The following ASTN2 variants were observed in gnomAD, a reference collection of about 807,000 sequenced individuals.
ASTN2 encodes astrotactin 2, also known as astrotactin-2.
In ASTN2, 54 loss-of-function variants were observed where a neutral mutation model predicts 139.8. The ratio of observed to expected loss-of-function variants is 0.39; its 90% CI spans 0.31 to 0.48. ASTN2 has a LOEUF of 0.48. ASTN2 is among the 20% of genes least tolerant of loss of function. The probability of loss-of-function intolerance (pLI) is 0.95; values close to 1 mark genes in which losing one functional copy is unlikely to be tolerated. For synonymous variants in ASTN2, 756 were observed against 719.5 expected (o/e 1.05, Z -0.81); for missense variants, 1,565 against 1,725.1 (o/e 0.91, Z 1.64).
At chr9:116,737,459 G>C (rs1828961273) in intron 13 of ASTN2, among the ~76,000 whole-genome samples, 1 of 102,912 alleles carries the variant, frequency 9.7e-6, no homozygotes, top group Non-Finnish European at 2.0e-5. Flanking sequence ...TCGTGTGTGT[G>C]TGTGTGAATG....
chr9:116,683,059 A>AT (rs952192070), intron 16 of ASTN2, among the ~76,000 whole-genome samples: 1 of 151,456 alleles, frequency 6.6e-6, no homozygotes, highest in East Asian at 1.9e-4. Context: ...TAAAAAATAA[A>AT]TTAAAAAAAA....
intron 20 of ASTN2, among the ~76,000 whole-genome samples, chr9:116,480,049 G>T (rs938003298): frequency 2.0e-5 from 3 of 151,064 alleles, no homozygotes; most frequent in Non-Finnish European, 4.4e-5. Flanking sequence ...GATTAAATAA[G>T]GTTTATAAGA....
intron 13 of ASTN2, among the ~76,000 whole-genome samples, chr9:116,804,856 G>A (rs1387118349): frequency 2.0e-5 from 3 of 151,782 alleles, no homozygotes; most frequent in African/African-American, 4.8e-5. Context: ...GTGTGTGTGT[G>A]AGTGTGTGTT....
intron 5 of ASTN2, among the ~76,000 whole-genome samples, chr9:117,095,813 A>G (rs1828826024): frequency 6.6e-6 from 1 of 152,154 alleles, no homozygotes; most frequent in African/African-American, 2.4e-5. Flanking sequence ...AAAACAATTC[A>G]CAGTATTTTT....
intron 11 of ASTN2, among the ~76,000 whole-genome samples, chr9:116,835,055 G>GA (rs1831942910): frequency 6.6e-6 from 1 of 151,982 alleles, no homozygotes; most frequent in African/African-American, 2.4e-5. Flanking sequence ...CAAAAAATAA[G>GA]AAAAAATTTC....
intron 5 of ASTN2, among the ~76,000 whole-genome samples, chr9:117,085,878 T>C (rs1468315995): frequency 1.3e-5 from 2 of 152,222 alleles, no homozygotes; most frequent in African/African-American, 4.8e-5. Context: ...ATCCTTATAA[T>C]GGCCTGACCA....
At chr9:116,527,758 ACC>A (rs1851156932) in intron 19 of ASTN2, among the ~76,000 whole-genome samples, 1 of 152,016 alleles carries the variant, frequency 6.6e-6, no homozygotes, top group Non-Finnish European at 1.5e-5. Flanking sequence ...ATGGGTGGTC[ACC>A]CCCATGCTGT....
intron 7 of ASTN2, among the ~76,000 whole-genome samples, chr9:117,004,204 C>T (rs567103149): frequency 2.0e-5 from 3 of 152,152 alleles, no homozygotes; most frequent in Admixed American, 6.5e-5. Context: ...ACTGTAGCCT[C>T]GACTTCCAGG....
At chr9:117,202,029 TG>T (rs1831739828) in intron 3 of ASTN2, among the ~76,000 whole-genome samples, 3 of 152,224 alleles carry the variant, frequency 2.0e-5, no homozygotes, top group South Asian at 4.1e-4. Flanking sequence ...GCTCCTGTAT[TG>T]GGTGCATATA....
intron 13 of ASTN2, among the ~76,000 whole-genome samples, chr9:116,737,190 G>A (rs188515136): frequency 6.6e-5 from 10 of 152,336 alleles, no homozygotes; most frequent in Admixed American, 6.5e-4. Flanking sequence ...GTCCCTTTGC[G>A]ACCGCCTGGG....
At chr9:117,248,363 G>T (rs1833443643) in intron 2 of ASTN2, among the ~76,000 whole-genome samples, 1 of 152,208 alleles carries the variant, frequency 6.6e-6, no homozygotes, top group Admixed American at 6.5e-5. Flanking sequence ...ATAAAAAGAG[G>T]AGTGACAGCT....
intron 6 of ASTN2, among the ~76,000 whole-genome samples, chr9:117,016,619 T>TATGGG (rs1564385801): frequency 3.1e-4 from 1 of 3,244 alleles, no homozygotes; most frequent in Non-Finnish European, 6.8e-4. Context: ...TCTATATCTA[T>TATGGG]CTATCTATAT....
chr9:117,328,758 C>A (rs1828603377), intron 1 of ASTN2, among the ~76,000 whole-genome samples: 1 of 152,186 alleles, frequency 6.6e-6, no homozygotes, highest in South Asian at 2.1e-4. Context: ...TCTAGCCATT[C>A]ATCAGCTGCC....
chr9:116,885,311 A>AAAATATTAAAGG (rs1366166657), intron 10 of ASTN2, among the ~76,000 whole-genome samples: 3 of 152,174 alleles, frequency 2.0e-5, no homozygotes, highest in Non-Finnish European at 1.5e-5. Context: ...TACATGTAAC[A>AAAATATTAAAGG]AAATATTAAA....
At chr9:116,510,620 C>T (rs1850332770) in intron 19 of ASTN2, among the ~76,000 whole-genome samples, 1 of 152,190 alleles carries the variant, frequency 6.6e-6, no homozygotes, top group African/African-American at 2.4e-5. Flanking sequence ...GATATTGATT[C>T]TTCCTATCCA....
chr9:117,127,979 C>T lies in ASTN2; in HGVS notation c.1168+13347G>A, dbSNP rs983202709. On this transcript the variant is annotated intron_variant, in intron 4 of 22. Coordinates refer to ENST00000313400, the MANE Select transcript of ASTN2 (RefSeq NM_001365068.1). ...ACAGGCGTGAGCCACCGCTCCCGGC[C>T]GGGTTTTTTAAAGATAGTTTGGTGA... 2.6e-5 allele frequency among the ~76,000 whole-genome samples: 4 copies of T among 152,046 alleles called. No individual in the cohort carries two copies. In the East Asian group the frequency reaches 5.8e-4, roughly 22 times the overall value.
chr9:117,200,548 T>A (rs1344707465), intron 3 of ASTN2, among the ~76,000 whole-genome samples: 3 of 152,178 alleles, frequency 2.0e-5, no homozygotes, highest in African/African-American at 7.2e-5. Flanking sequence ...CAATATCTAG[T>A]TTATTGAGAG....
At chr9:116,819,038 G>T (rs554072472) in intron 12 of ASTN2, among the ~76,000 whole-genome samples, 3 of 152,196 alleles carry the variant, frequency 2.0e-5, no homozygotes, top group Admixed American at 6.5e-5. Flanking sequence ...GTCCTGAAAG[G>T]CTTGCCTTAT....
At chr9:116,744,875 G>A (rs1829192375) in intron 13 of ASTN2, among the ~76,000 whole-genome samples, 1 of 152,128 alleles carries the variant, frequency 6.6e-6, no homozygotes, top group Non-Finnish European at 1.5e-5. Flanking sequence ...CAGCTTAACT[G>A]CTAACTGTGA....
Sources: gnomAD v4.1 joint callset for allele counts (sites outside exome capture counted in the v4.1 genomes callset) on GRCh38, gnomAD v4.1.1 for gene constraint, MANE v1.5 for transcripts, NCBI Gene and HGNC (gene_info 2026-07-23, HGNC 2026-07-21) for gene names.